The following CNTN5 variants were observed in gnomAD, a reference collection of about 807,000 sequenced individuals.
CNTN5 encodes the protein contactin 5.
In CNTN5, 77 loss-of-function variants were observed where a neutral mutation model predicts 129.1. The ratio of observed to expected loss-of-function variants is 0.60; its 90% CI spans 0.50 to 0.72. The LOEUF is 0.72. CNTN5 is among the 30% of genes least tolerant of loss of function. The pLI is 0.00. For missense variants in CNTN5, 1,478 were observed against 1,328.8 expected, an observed-to-expected ratio of 1.11 and a Z score of -1.75; for synonymous variants, 509 against 465.6, an observed-to-expected ratio of 1.09 and a Z score of -1.20.
At chr11:99,565,105 T>A (rs1948959718) in intron 3 of CNTN5, among the ~76,000 whole-genome samples, 1 of 152,192 alleles carries the variant, frequency 6.6e-6, no homozygotes, top group African/African-American at 2.4e-5. Flanking sequence ...GTGTTTGGGC[T>A]TAAAGAACAA....
At chr11:100,091,424 CTTTTTTTTTT>C (rs60075209) in intron 13 of CNTN5, among the ~76,000 whole-genome samples, 3 of 114,438 alleles carry the variant, frequency 2.6e-5, no homozygotes, top group Non-Finnish European at 1.7e-5. Context: ...TTTATTTATT[CTTTTTTTTTT>C]TTTTTTTTTT....
intron 1 of CNTN5, among the ~76,000 whole-genome samples, chr11:99,159,058 A>G (rs902811132): frequency 6.6e-6 from 1 of 152,198 alleles, no homozygotes; most frequent in African/African-American, 2.4e-5. Flanking sequence ...CTGAAAAGTT[A>G]TGTGACTTAG....
intron 3 of CNTN5, among the ~76,000 whole-genome samples, chr11:99,558,858 C>T (rs1321414355): frequency 6.6e-6 from 1 of 152,090 alleles, no homozygotes; most frequent in Non-Finnish European, 1.5e-5. Flanking sequence ...ATCATATCTG[C>T]GGTTGATGTG....
At chr11:100,042,865 T>G (rs1476145675) in intron 9 of CNTN5, among the ~76,000 whole-genome samples, 1 of 152,216 alleles carries the variant, frequency 6.6e-6, no homozygotes, top group African/African-American at 2.4e-5. Context: ...AAACCTCCTA[T>G]ATCTTCAAGT....
At chr11:99,356,424 T>C (rs1259723954) in intron 2 of CNTN5, among the ~76,000 whole-genome samples, 2 of 152,266 alleles carry the variant, frequency 1.3e-5, no homozygotes, top group Non-Finnish European at 2.9e-5. Flanking sequence ...AAGGCTTATT[T>C]ATACAGTATG....
chr11:99,233,649 T>C (rs1335346961), intron 1 of CNTN5, among the ~76,000 whole-genome samples: 1 of 152,172 alleles, frequency 6.6e-6, no homozygotes, highest in Non-Finnish European at 1.5e-5. Context: ...CGTATGTGTA[T>C]TAAATAATTT....
At chr11:100,024,056 C>T (rs879525098) in intron 9 of CNTN5, among the ~76,000 whole-genome samples, 1 of 152,076 alleles carries the variant, frequency 6.6e-6, no homozygotes, top group Non-Finnish European at 1.5e-5. Flanking sequence ...CTTTTTATCC[C>T]CACCCAAATC....
At chr11:99,657,380 C>G (rs1470747502) in intron 3 of CNTN5, among the ~76,000 whole-genome samples, 3 of 140,612 alleles carry the variant, frequency 2.1e-5, no homozygotes, top group African/African-American at 7.4e-5. Context: ...ATATCCAATT[C>G]CATATGGTCT....
At chr11:99,056,678 T>C (rs1014212327) in intron 1 of CNTN5, among the ~76,000 whole-genome samples, 1 of 151,948 alleles carries the variant, frequency 6.6e-6, no homozygotes, top group Non-Finnish European at 1.5e-5. Flanking sequence ...TAGGTCTGGG[T>C]GCCAGACTTC....
intron 1 of CNTN5, among the ~76,000 whole-genome samples, chr11:99,077,076 A>G (rs2135268796): frequency 6.6e-6 from 1 of 152,304 alleles, no homozygotes; most frequent in African/African-American, 2.4e-5. Flanking sequence ...TGGTGCTAGC[A>G]GTTGCATTTT....
At chr11:99,819,483 T>G in intron 3 of CNTN5, 61 bp from the exon 4 acceptor site, 1 of 1,437,784 alleles carries the variant, frequency 7.0e-7, no homozygotes, top group Middle Eastern at 2.1e-4. Flanking sequence ...ACAATCTTCA[T>G]AAGAAAAAAA....
chr11:99,897,808 A>T (rs899906989), intron 6 of CNTN5, among the ~76,000 whole-genome samples: 1 of 152,212 alleles, frequency 6.6e-6, no homozygotes, highest in Non-Finnish European at 1.5e-5. Flanking sequence ...ATTAATCTTG[A>T]ATCTAAATGA....
Position 100,119,271 on chromosome 11 carries a change from A to C in CNTN5, c.1580+44977A>C, listed in dbSNP as rs140810223. 2.5e-3 allele frequency among the ~76,000 whole-genome samples: 385 copies of C among 152,064 alleles called. 1 individual carries two copies. Among genetic ancestry groups the C allele is most frequent in the African/African-American group, 8.4e-3 (347 of 41,554 alleles). On this transcript the variant is annotated intron_variant, in intron 13 of 24. Transcript: ENST00000524871. ...GAAACACATATTACTACAGCCAAAC[A>C]AAATAGATCAATTTGTCCATGGTTA...
intron 9 of CNTN5, among the ~76,000 whole-genome samples, chr11:100,035,644 C>T (rs11222459): frequency 0.23 from 31,561 of 139,804 alleles, 3,962 homozygotes; most frequent in East Asian, 0.45. Context: ...TGTTTCCTGA[C>T]TTTTTAATGA....
chr11:99,776,681 T>C (rs756011058), intron 3 of CNTN5, among the ~76,000 whole-genome samples: 15 of 151,748 alleles, frequency 9.9e-5, no homozygotes, highest in Non-Finnish European at 1.8e-4. Context: ...GGTGCTTGCA[T>C]AAATATACAG....
intron 13 of CNTN5, among the ~76,000 whole-genome samples, chr11:100,161,057 T>C (rs1947429098): frequency 6.6e-6 from 1 of 151,964 alleles, no homozygotes; most frequent in Admixed American, 6.6e-5. Context: ...TACAGAACAG[T>C]AGAGCTGAAT....
At chr11:99,953,199 A>G (rs1382067606) in intron 7 of CNTN5, among the ~76,000 whole-genome samples, 1 of 152,194 alleles carries the variant, frequency 6.6e-6, no homozygotes, top group African/African-American at 2.4e-5. Context: ...AGAAATGAGC[A>G]TCATTGTCCA....
rs1334294042 is a variant in CNTN5, at chr11:99,934,923, TATATATATATATATATATATATATAC to T, written c.673+18776_673+18801del. Among the ~76,000 whole-genome samples the T allele has an allele frequency of 1.5e-3, 99 of 68,060 alleles. 3 individuals carry two copies. The highest frequency in any genetic ancestry group is 6.4e-3 in the African/African-American group (85 of 13,192). The allele number at this position is 68,060 out of a possible 152,430, so 44.7% of individuals were successfully genotyped here. A position where few individuals can be genotyped will look rare whatever the true frequency, so the allele number is the denominator to read the frequency against. ...GTATATATATATATATATATATATA[TATATATATATATATATATATATATAC>T]ACACACATATATATGGTGATTAGTC... is the stretch of plus-strand genomic sequence containing the variant. On this transcript the variant is annotated intron_variant, in intron 7 of 24. Transcript: ENST00000524871.
intron 1 of CNTN5, among the ~76,000 whole-genome samples, chr11:99,176,639 G>A (rs867808994): frequency 1.3e-5 from 2 of 152,152 alleles, no homozygotes; most frequent in East Asian, 3.9e-4. Context: ...ATCATTTCCA[G>A]TGTGTCAGCA....
Sources: gnomAD v4.1 joint callset for allele counts (sites outside exome capture counted in the v4.1 genomes callset) on GRCh38, gnomAD v4.1.1 for gene constraint, MANE v1.5 for transcripts, NCBI Gene and HGNC (gene_info 2026-07-23, HGNC 2026-07-21) for gene names.